The following TNRC6A variants were observed in gnomAD, a reference collection of about 807,000 sequenced individuals.
TNRC6A encodes the protein trinucleotide repeat containing adaptor 6A.
A neutral mutation model predicts 221.2 loss-of-function variants in TNRC6A; 44 were observed. The observed-to-expected ratio is 0.20, with a 90% CI of 0.16 to 0.26. The LOEUF is 0.26. TNRC6A is among the 10% of genes least tolerant of loss of function. TNRC6A has a pLI of 1.00. For missense variants in TNRC6A, 2,199 were observed against 2,404.4 expected (o/e 0.91, Z 1.79); for synonymous variants, 847 against 838.5 (o/e 1.01, Z -0.18).
rs79620110 is a variant in TNRC6A, at chr16:24,825,150, G to A, written c.*1343G>A. On this transcript the variant is annotated 3_prime_UTR_variant, in exon 25 of 25. Coordinates refer to ENST00000395799, the MANE Select transcript of TNRC6A (RefSeq NM_014494.4). Reference sequence around the variant, plus strand: ...TTGTTGTATAAAGAAAATTTTAAATGTTGTTGCAAACTAACGAGTTACACC... The same window carrying A: ...TTGTTGTATAAAGAAAATTTTAAATATTGTTGCAAACTAACGAGTTACACC... 2 of 152,462 alleles carry A rather than the reference G, an allele frequency of 1.3e-5. No homozygotes were observed. The highest frequency in any genetic ancestry group is 1.9e-4 in the East Asian group (1 of 5,186). 9.4% of individuals were successfully genotyped at this position (152,462 alleles called of 1,614,324 possible). A position where few individuals can be genotyped will look rare whatever the true frequency, so the allele number is the denominator to read the frequency against.
chr16:24,672,570 T>C (rs547038841), intron 2 of TNRC6A, among the ~76,000 whole-genome samples: 1 of 152,074 alleles, frequency 6.6e-6, no homozygotes, highest in South Asian at 2.1e-4. Context: ...GCCTCCTGAG[T>C]AGCTGGGACT....
At chr16:24,640,097 G>A (rs1217155952) in intron 1 of TNRC6A, among the ~76,000 whole-genome samples, 4 of 152,172 alleles carry the variant, frequency 2.6e-5, no homozygotes, top group Non-Finnish European at 4.4e-5. Context: ...TTGAATAAAA[G>A]TACAAGATAA....
chr16:24,663,854 C>T (rs1045647878), intron 2 of TNRC6A: 9 of 452,106 alleles, frequency 2.0e-5, no homozygotes, highest in Admixed American at 2.4e-5. Flanking sequence ...ATCAACTACC[C>T]GGCATGGCCC....
chr16:24,758,619 G>T (rs2057300718), intron 4 of TNRC6A, among the ~76,000 whole-genome samples: 2 of 152,080 alleles, frequency 1.3e-5, no homozygotes, highest in South Asian at 4.1e-4. Flanking sequence ...GCTTCCTAAT[G>T]TACTCCCTTG....
rs534544149 is a variant in TNRC6A at position 24,778,379 on chromosome 16, C to A, written c.589+1021C>A. On this transcript the variant is annotated intron_variant, in intron 5 of 24. Transcript: ENST00000395799. Reference sequence around the variant, plus strand: ...GCAGATCCTGGACTCACATCAAGATCTGTCTGACTCCAAAGATATGCTTGT... The same window carrying A: ...GCAGATCCTGGACTCACATCAAGATATGTCTGACTCCAAAGATATGCTTGT... 3 of 984,322 alleles carry A rather than the reference C, an allele frequency of 3.0e-6. No homozygotes were observed. In the East Asian group the frequency reaches 3.4e-4, roughly 112 times the overall value. 61.0% of individuals were successfully genotyped at this position (984,322 alleles called of 1,614,324 possible).
intron 1 of TNRC6A, among the ~76,000 whole-genome samples, chr16:24,634,252 C>T (rs892032878): frequency 6.6e-6 from 1 of 151,930 alleles, no homozygotes; most frequent in Non-Finnish European, 1.5e-5. Context: ...CATGGCAAAA[C>T]CCCATCTCTA....
chr16:24,688,482 T>C (rs1456260788), intron 2 of TNRC6A, among the ~76,000 whole-genome samples: 1 of 152,156 alleles, frequency 6.6e-6, no homozygotes, highest in South Asian at 2.1e-4. Context: ...TGGAGTCTGA[T>C]AGATAAAAAC....
At position 24,823,759 on chromosome 16, in the gene TNRC6A, C is replaced by T. The variant is rs75149811; in HGVS notation, c.5841C>T (p.Asn1947=). 528 of 1,492,694 alleles carry T rather than the reference C, an allele frequency of 3.5e-4. 4 individuals carry two copies. In the East Asian group the frequency reaches 9.9e-3, roughly 28 times the overall value. 92.5% of individuals were successfully genotyped at this position (1,492,694 alleles called of 1,614,324 possible). The change falls in exon 25 of 25, where the codon AAC becomes AAT. Residue 1947 remains asparagine (N), a synonymous_variant. Transcript: ENST00000395799. The surrounding 1 kb of genome is among the most constrained non-coding windows in gnomAD (Gnocchi z 4.3). ...PRGISSPSPI[N]AFLSVDHLGG... ...GAATTAGCAGCCCATCTCCCATTAA[C>T]GCTTTTCTTTCTGTTGACCACCTGG...
At chr16:24,616,775 A>G (rs1277550495) in intron 1 of TNRC6A, among the ~76,000 whole-genome samples, 1 of 152,144 alleles carries the variant, frequency 6.6e-6, no homozygotes, top group Admixed American at 6.6e-5. Flanking sequence ...TCTACTAAAA[A>G]TGCAAAAAAT....
intron 2 of TNRC6A, among the ~76,000 whole-genome samples, chr16:24,747,874 T>C (rs776734644): frequency 6.6e-6 from 1 of 151,916 alleles, no homozygotes; most frequent in Non-Finnish European, 1.5e-5. Flanking sequence ...GAAAATGAAG[T>C]TTGAGAAAGG....
At chr16:24,667,984 C>A (rs1248795717) in intron 2 of TNRC6A, among the ~76,000 whole-genome samples, 1 of 152,090 alleles carries the variant, frequency 6.6e-6, no homozygotes, top group East Asian at 1.9e-4. Flanking sequence ...AGGATTGCAC[C>A]ACTGCACTCC....
intron 2 of TNRC6A, among the ~76,000 whole-genome samples, chr16:24,687,843 G>GGAAGAAGAAGAGGAAGAAGAAGAAGAA (rs2055661680): frequency 9.8e-6 from 1 of 101,856 alleles, no homozygotes; most frequent in Non-Finnish European, 2.0e-5. Context: ...AAGAGGAAGA[G>GGAAGAAGAAGAGGAAGAAGAAGAAGAA]GAAGAAGAAG....
At chr16:24,795,857 T>C (rs1285561116) in intron 8 of TNRC6A, 50 bp from the exon 9 acceptor site, 8 of 1,504,502 alleles carry the variant, frequency 5.3e-6, no homozygotes, top group Non-Finnish European at 7.1e-6. Context: ...CCAAACCCCA[T>C]GTTCTTCCCA....
intron 2 of TNRC6A, among the ~76,000 whole-genome samples, chr16:24,723,594 A>AAG (rs1351082076): frequency 6.6e-6 from 1 of 151,466 alleles, no homozygotes; most frequent in Admixed American, 6.6e-5. Context: ...ACTCTGTCAA[A>AAG]AAAAAAAAAA....
At chr16:24,627,697 C>CTTTTTTTTTTTTTTTTT (rs57520356) in intron 1 of TNRC6A, among the ~76,000 whole-genome samples, 8 of 101,770 alleles carry the variant, frequency 7.9e-5, no homozygotes, top group Admixed American at 1.1e-4. Context: ...TCTTTTCTTG[C>CTTTTTTTTTTTTTTTTT]TTTTTTTTTT....
intron 1 of TNRC6A, chr16:24,640,816 G>A (rs1901913939): frequency 6.6e-6 from 1 of 152,174 alleles, no homozygotes; most frequent in African/African-American, 2.4e-5. Flanking sequence ...ATCACTGGTT[G>A]TGTCTGGGAG....
Position 24,799,483 on chromosome 16 carries a change from C to G in TNRC6A, c.3694+1517C>G, listed in dbSNP as rs375278186. On this transcript the variant is annotated intron_variant, in intron 11 of 24. Coordinates refer to ENST00000395799, the MANE Select transcript of TNRC6A (RefSeq NM_014494.4). ...CTCTAAACTGAGGAGATGAACAGCCCCAAGGGTCATTGTATTCATCACTGG... is the reference window on the plus strand; with the variant it reads ...CTCTAAACTGAGGAGATGAACAGCCGCAAGGGTCATTGTATTCATCACTGG... 1.2e-4 allele frequency among the ~76,000 whole-genome samples: 18 copies of G among 152,234 alleles called. No individual in the cohort carries two copies. In the East Asian group the frequency reaches 3.3e-3, roughly 28 times the overall value.
chr16:24,708,963 T>C (rs928514478), intron 2 of TNRC6A, among the ~76,000 whole-genome samples: 10 of 152,112 alleles, frequency 6.6e-5, no homozygotes, highest in African/African-American at 2.4e-4. Context: ...TAAACGTAAG[T>C]GTGCATGTGT....
chr16:24,817,369 G>A (rs1175138170), intron 20 of TNRC6A, among the ~76,000 whole-genome samples: 1 of 152,140 alleles, frequency 6.6e-6, no homozygotes, highest in Admixed American at 6.5e-5. Context: ...TGAGTTACAA[G>A]ATTATGGTAG....
Sources: gnomAD v4.1 joint callset for allele counts (sites outside exome capture counted in the v4.1 genomes callset) on GRCh38, gnomAD v4.1.1 for gene constraint, Gnocchi (gnomAD v3.1) non-coding constraint, MANE v1.5 for transcripts, NCBI Gene and HGNC (gene_info 2026-07-23, HGNC 2026-07-21) for gene names.